Variants in LRP1B observed in about 807,000 individuals in gnomAD.
LRP1B encodes the protein low-density lipoprotein receptor-related protein 1B.
In LRP1B, 217 loss-of-function variants were observed where a neutral mutation model predicts 556.6. That is an observed-to-expected ratio of 0.39 (90% CI 0.35 to 0.44). The LOEUF (loss-of-function observed/expected upper bound fraction) is 0.44. Ranked by LOEUF, LRP1B falls within the 20% of genes least tolerant of loss-of-function variation. The pLI is 1.00. For synonymous variants in LRP1B, 2,047 were observed against 1,865.8 expected (o/e 1.10, Z -2.50); for missense variants, 5,053 against 5,620.8 (o/e 0.90, Z 3.23).
At chr2:140,336,300 G>A (rs1316959336) in intron 77 of LRP1B, among the ~76,000 whole-genome samples, 1 of 151,298 alleles carries the variant, frequency 6.6e-6, no homozygotes, top group African/African-American at 2.4e-5. Flanking sequence ...TCATTGCTCA[G>A]TAGTATTTGT....
At chr2:140,942,983 T>C (rs941722988) in intron 20 of LRP1B, among the ~76,000 whole-genome samples, 1 of 151,884 alleles carries the variant, frequency 6.6e-6, no homozygotes, top group Non-Finnish European at 1.5e-5. Flanking sequence ...AAAGACAGAG[T>C]GACTAATTGG....
At chr2:141,306,616 T>A (rs183455376) in intron 3 of LRP1B, among the ~76,000 whole-genome samples, 37 of 152,226 alleles carry the variant, frequency 2.4e-4, no homozygotes, top group African/African-American at 8.4e-4. Context: ...TTTCTTAGTT[T>A]TTATTTCATT....
intron 32 of LRP1B, among the ~76,000 whole-genome samples, chr2:140,809,663 A>T (rs1444792068): frequency 6.6e-6 from 1 of 152,220 alleles, no homozygotes; most frequent in East Asian, 1.9e-4. Flanking sequence ...AAAAGTGACT[A>T]CAAAACTTAG....
chr2:141,215,718 G>A (rs943136599), intron 6 of LRP1B, among the ~76,000 whole-genome samples: 3 of 152,206 alleles, frequency 2.0e-5, no homozygotes, highest in Non-Finnish European at 4.4e-5. Context: ...GGAAGTTTGA[G>A]CTTGAGAGTG....
intron 32 of LRP1B, among the ~76,000 whole-genome samples, chr2:140,784,198 A>G (rs1689804657): frequency 6.6e-6 from 1 of 152,118 alleles, no homozygotes; most frequent in African/African-American, 2.4e-5. Context: ...TAATGTTCAA[A>G]TAGGGTTAAG....
chr2:140,859,852 G>A (rs112088327), intron 27 of LRP1B, among the ~76,000 whole-genome samples: 5,951 of 151,998 alleles, frequency 0.039, 181 homozygotes, highest in South Asian at 0.093. Context: ...AAAATTAGCC[G>A]AGTGTGGCGG....
At chr2:140,634,985 T>TCAATTGTAA (rs914756091) in intron 41 of LRP1B, among the ~76,000 whole-genome samples, 32 of 152,168 alleles carry the variant, frequency 2.1e-4, no homozygotes, top group African/African-American at 7.2e-4. Flanking sequence ...TATCAGTCCA[T>TCAATTGTAA]CAATTGTAAC....
intron 6 of LRP1B, among the ~76,000 whole-genome samples, chr2:141,191,892 C>T (rs529607175): frequency 6.6e-6 from 1 of 151,996 alleles, no homozygotes; most frequent in African/African-American, 2.4e-5. Flanking sequence ...TGACCCATCC[C>T]TCAAGCTGGG....
At chr2:141,178,496 T>C (rs1680840896) in intron 7 of LRP1B, among the ~76,000 whole-genome samples, 2 of 152,094 alleles carry the variant, frequency 1.3e-5, no homozygotes, top group Admixed American at 6.6e-5. Context: ...AAAGGAACTA[T>C]AAAATGATAT....
At chr2:141,211,585 C>A (rs534553951) in intron 6 of LRP1B, among the ~76,000 whole-genome samples, 7 of 152,002 alleles carry the variant, frequency 4.6e-5, no homozygotes, top group Non-Finnish European at 1.0e-4. Context: ...CCATTGCACT[C>A]TAGCCTGGGA....
intron 2 of LRP1B, among the ~76,000 whole-genome samples, chr2:141,591,252 A>G (rs1022323925): frequency 8.6e-5 from 13 of 152,024 alleles, no homozygotes; most frequent in Admixed American, 7.9e-4. Context: ...TGTCCCTAAG[A>G]ACAGCATTCT....
chr2:142,053,641 T>A (rs1704552247), intron 1 of LRP1B, among the ~76,000 whole-genome samples: 3 of 152,176 alleles, frequency 2.0e-5, no homozygotes, highest in Non-Finnish European at 2.9e-5. Context: ...TTTTCATGCA[T>A]GAAAGGCAGT....
At chr2:142,058,951 G>A (rs192273638) in intron 1 of LRP1B, among the ~76,000 whole-genome samples, 3 of 152,120 alleles carry the variant, frequency 2.0e-5, no homozygotes, top group East Asian at 3.9e-4. Flanking sequence ...TTGTAAAATA[G>A]GAGAAATAGT....
intron 37 of LRP1B, among the ~76,000 whole-genome samples, chr2:140,706,846 C>T (rs945420755): frequency 6.6e-6 from 1 of 151,304 alleles, no homozygotes; most frequent in Non-Finnish European, 1.5e-5. Context: ...TTTCCTGTCA[C>T]AGGCAGTTAT....
At chr2:141,297,613 T>G (rs1459449208) in intron 3 of LRP1B, among the ~76,000 whole-genome samples, 1 of 152,170 alleles carries the variant, frequency 6.6e-6, no homozygotes, top group African/African-American at 2.4e-5. Flanking sequence ...AGGCCTTCCT[T>G]AAGTCCTGTG....
At chr2:141,254,490 C>A (rs767315137) in intron 4 of LRP1B, 32 bp downstream of exon 4, 8 of 1,608,150 alleles carry the variant, frequency 5.0e-6, no homozygotes, top group Non-Finnish European at 6.8e-6. Flanking sequence ...CCTCTATAAA[C>A]AAAATTTGAT....
chr2:140,802,970 G>T (rs1690567442), intron 32 of LRP1B, among the ~76,000 whole-genome samples: 1 of 152,068 alleles, frequency 6.6e-6, no homozygotes, highest in Non-Finnish European at 1.5e-5. Context: ...ACATTCACGT[G>T]CTTACAAACA....
intron 2 of LRP1B, among the ~76,000 whole-genome samples, chr2:141,779,382 G>T (rs986940155): frequency 6.0e-5 from 9 of 149,964 alleles, no homozygotes; most frequent in Admixed American, 6.6e-5. Context: ...TTATCAAAAT[G>T]TAATGTGATT....
chr2:141,543,638 T>C (rs888956715), intron 2 of LRP1B, among the ~76,000 whole-genome samples: 16 of 151,408 alleles, frequency 1.1e-4, no homozygotes, highest in Middle Eastern at 3.4e-3. Flanking sequence ...AGCAGGAGGA[T>C]TGCTTGAGCC....
Sources: gnomAD v4.1 joint callset for allele counts (sites outside exome capture counted in the v4.1 genomes callset) on GRCh38, gnomAD v4.1.1 for gene constraint, MANE v1.5 for transcripts, NCBI Gene and HGNC (gene_info 2026-07-23, HGNC 2026-07-21) for gene names.